Variants in MCUB observed in about 807,000 individuals in gnomAD.
The protein encoded by MCUB is calcium uniporter regulatory subunit MCUb, mitochondrial.
MCUB carries 46 observed loss-of-function variants against 41.4 expected under a neutral mutation model. The ratio of observed to expected loss-of-function variants is 1.11; its 90% confidence interval spans 0.88 to 1.42. MCUB has a LOEUF of 1.42. Ranked by LOEUF, MCUB falls within the 40% of genes most tolerant of loss-of-function variation. MCUB has a pLI of 0.00. For missense variants in MCUB, 403 were observed against 404.9 expected (o/e 1.00, Z 0.04); for synonymous variants, 148 against 148.2 (o/e 1.00, Z 0.01).
intron 1 of MCUB, among the ~76,000 whole-genome samples, chr4:109,582,589 A>G (rs932635573): frequency 2.0e-5 from 3 of 150,770 alleles, no homozygotes; most frequent in African/African-American, 7.3e-5. Flanking sequence ...CCATTTGTCA[A>G]TTCTTGGCTT....
chr4:109,631,696 G>A (rs1728477702), intron 1 of MCUB, among the ~76,000 whole-genome samples: 1 of 152,126 alleles, frequency 6.6e-6, no homozygotes, highest in Admixed American at 6.6e-5. Context: ...TACCAGCTGT[G>A]CAGCTTTAGG....
chr4:109,633,111 G>A (rs1302117412), intron 1 of MCUB, among the ~76,000 whole-genome samples: 1 of 152,128 alleles, frequency 6.6e-6, no homozygotes, highest in Non-Finnish European at 1.5e-5. Flanking sequence ...ATTATAGGAA[G>A]GGATCCAAAA....
At chr4:109,650,958 A>G (rs1048651575) in intron 1 of MCUB, among the ~76,000 whole-genome samples, 16 of 152,188 alleles carry the variant, frequency 1.1e-4, no homozygotes, top group Admixed American at 5.2e-4. Context: ...GAATATCTCA[A>G]AAGTGTCCCA....
At chr4:109,686,244 T>G (rs1161469603) in intron 7 of MCUB, among the ~76,000 whole-genome samples, 1 of 152,118 alleles carries the variant, frequency 6.6e-6, no homozygotes, top group Non-Finnish European at 1.5e-5. Flanking sequence ...TTCAAGTGAT[T>G]CTTGTGCCTC....
intron 1 of MCUB, among the ~76,000 whole-genome samples, chr4:109,607,239 CAA>C (rs1235604608): frequency 6.6e-6 from 1 of 151,052 alleles, no homozygotes; most frequent in Non-Finnish European, 1.5e-5. Flanking sequence ...CTTTTCTTCT[CAA>C]AGTCTCACTC....
chr4:109,581,926 T>C (rs1187262206), intron 1 of MCUB, among the ~76,000 whole-genome samples: 1 of 152,228 alleles, frequency 6.6e-6, no homozygotes, highest in Non-Finnish European at 1.5e-5. Context: ...TTTACACTGT[T>C]GGTGGGACTG....
intron 1 of MCUB, among the ~76,000 whole-genome samples, chr4:109,605,958 T>TTTTGTTTGTTTG (rs143489433): frequency 6.6e-6 from 1 of 151,004 alleles, no homozygotes; most frequent in African/African-American, 2.4e-5. Context: ...GGGCCTGGGT[T>TTTTGTTTGTTTG]TTTGTTTGTT....
At chr4:109,573,041 A>G (rs1436063681) in intron 1 of MCUB, among the ~76,000 whole-genome samples, 1 of 152,236 alleles carries the variant, frequency 6.6e-6, no homozygotes, top group Non-Finnish European at 1.5e-5. Flanking sequence ...ATGTCAAAAC[A>G]TAAAATATCA....
At chr4:109,599,372 G>T (rs888105756) in intron 1 of MCUB, among the ~76,000 whole-genome samples, 4 of 151,386 alleles carry the variant, frequency 2.6e-5, no homozygotes, top group Non-Finnish European at 5.9e-5. Context: ...GAAGACCACC[G>T]AAACGACAGG....
chr4:109,604,040 AG>A (rs1322620903), intron 1 of MCUB, among the ~76,000 whole-genome samples: 1 of 152,092 alleles, frequency 6.6e-6, no homozygotes, highest in Non-Finnish European at 1.5e-5. Context: ...TTCTGTACTA[AG>A]AAAAATTCTT....
At chr4:109,631,358 A>G (rs1036763963) in intron 1 of MCUB, among the ~76,000 whole-genome samples, 2 of 151,870 alleles carry the variant, frequency 1.3e-5, no homozygotes, top group African/African-American at 4.8e-5. Context: ...CAACTATCAC[A>G]CCTCTTTTAT....
chr4:109,601,606 G>A (rs1055338602), intron 1 of MCUB, among the ~76,000 whole-genome samples: 1 of 152,004 alleles, frequency 6.6e-6, no homozygotes, highest in South Asian at 2.1e-4. Flanking sequence ...GTTCTGCTGT[G>A]TATATATACC....
At chr4:109,629,129 T>C (rs1249154003) in intron 1 of MCUB, among the ~76,000 whole-genome samples, 1 of 152,200 alleles carries the variant, frequency 6.6e-6, no homozygotes, top group Non-Finnish European at 1.5e-5. Flanking sequence ...CTTTTATTTT[T>C]TCTAATTTTT....
At chr4:109,625,243 T>G (rs2126136471) in intron 1 of MCUB, among the ~76,000 whole-genome samples, 1 of 152,300 alleles carries the variant, frequency 6.6e-6, no homozygotes, top group Admixed American at 6.5e-5. Context: ...CCCAGTGCCT[T>G]CTCCCAGCTA....
At chr4:109,646,990 G>A (rs894867237) in intron 1 of MCUB, among the ~76,000 whole-genome samples, 14 of 152,146 alleles carry the variant, frequency 9.2e-5, no homozygotes, top group African/African-American at 3.4e-4. Context: ...AGCATGTGGG[G>A]CGAAGCGAGT....
rs1390501878 is a variant in MCUB at position 109,632,340 on chromosome 4, C to CT, written c.100-26665dup. Among the ~76,000 whole-genome samples, 35 of 151,886 alleles carry CT rather than the reference C, an allele frequency of 2.3e-4. No homozygotes were observed. In the East Asian group the frequency reaches 5.4e-3, roughly 23 times the overall value. On this transcript the variant is annotated intron_variant, in intron 1 of 7. Transcript: ENST00000394650. ...AGAGTATGCATAAAGTAAAATCTTGCTTTTTTCAACTAGAGAAATCTAATC... is the reference window on the plus strand; with the variant it reads ...AGAGTATGCATAAAGTAAAATCTTGCTTTTTTTCAACTAGAGAAATCTAATC...
Position 109,560,369 on chromosome 4 carries a change from C to T in MCUB, c.32C>T (p.Thr11Met). ...CAGAGGGGCCTCTGGCCGTGGCGCACGCGGCTGCTGCCGACCCCTGGCACC... is the reference window on the plus strand; with the variant it reads ...CAGAGGGGCCTCTGGCCGTGGCGCATGCGGCTGCTGCCGACCCCTGGCACC... The part of the protein sequence containing the change: MLQRGLWPWR[T>M]RLLPTPGTWR... The change falls in exon 1 of 8, where the codon ACG (threonine) becomes ATG (methionine). Residue 11 changes from threonine (T) to methionine (M), a missense_variant. Transcript: ENST00000394650. 1 of 1,324,652 alleles carries T rather than the reference C, an allele frequency of 7.5e-7. No homozygotes were observed. The highest frequency in any genetic ancestry group is 9.6e-7 in the Non-Finnish European group (1 of 1,037,808). The allele number at this position is 1,324,652 out of a possible 1,614,324, so 82.1% of individuals were successfully genotyped here. A position where few individuals can be genotyped will look rare whatever the true frequency, so the allele number is the denominator to read the frequency against.
chr4:109,654,015 C>G (rs998323908), intron 1 of MCUB, among the ~76,000 whole-genome samples: 1 of 152,118 alleles, frequency 6.6e-6, no homozygotes, highest in Non-Finnish European at 1.5e-5. Context: ...GCCAGTTATC[C>G]CTTTTATCTT....
At chr4:109,624,814 A>G (rs528296999) in intron 1 of MCUB, among the ~76,000 whole-genome samples, 9 of 152,180 alleles carry the variant, frequency 5.9e-5, no homozygotes, top group Non-Finnish European at 8.8e-5. Context: ...ACAGAGAAAT[A>G]TATAATGAAA....
Sources: allele counts gnomAD v4.1 joint callset (sites outside exome capture counted in the v4.1 genomes callset), GRCh38; gene constraint gnomAD v4.1.1; transcripts MANE v1.5; gene names NCBI Gene and HGNC (gene_info 2026-07-23, HGNC 2026-07-21).